The following LINGO2 variants were observed in gnomAD, a reference collection of about 807,000 sequenced individuals.
LINGO2 encodes leucine-rich repeat and immunoglobulin-like domain-containing nogo receptor-interacting protein 2.
LINGO2 carries 14 observed loss-of-function variants against 30.6 expected under a neutral mutation model. That is an observed-to-expected ratio of 0.46 (90% CI 0.30 to 0.72). The LOEUF is 0.72. Among genes scored for constraint, LINGO2 ranks in the 30% least tolerant of loss-of-function variants. The pLI is 0.07. For synonymous variants in LINGO2, 317 were observed against 288.5 expected (o/e 1.10, Z -1.00); for missense variants, 729 against 751.7 (o/e 0.97, Z 0.35).
At chr9:28,144,551 T>C (rs185971109) in intron 4 of LINGO2, among the ~76,000 whole-genome samples, 2 of 152,366 alleles carry the variant, frequency 1.3e-5, no homozygotes, top group East Asian at 3.9e-4. Flanking sequence ...AAGCTTTTTC[T>C]GACTTAATTT....
intron 4 of LINGO2, among the ~76,000 whole-genome samples, chr9:28,133,296 A>G (rs556168806): frequency 8.5e-5 from 13 of 152,316 alleles, no homozygotes; most frequent in African/African-American, 2.6e-4. Flanking sequence ...TTATTTACAT[A>G]TTAAAAGTTT....
chr9:28,692,008 C>T, the LINGO2 span, among the ~76,000 whole-genome samples: 1 of 152,126 alleles, frequency 6.6e-6, no homozygotes, highest in African/African-American at 2.4e-5. Flanking sequence ...CCCTCATTAT[C>T]TCCAATGCTT....
intron 4 of LINGO2, among the ~76,000 whole-genome samples, chr9:28,212,747 C>A (rs757683839): frequency 6.6e-6 from 1 of 151,334 alleles, no homozygotes; most frequent in Non-Finnish European, 1.5e-5. Context: ...ACACTAGCCA[C>A]ATTTCAAGTA....
At chr9:27,939,324 T>G in the LINGO2 span, 1 of 152,256 alleles carries the variant, frequency 6.6e-6, no homozygotes, top group Non-Finnish European at 1.5e-5. Flanking sequence ...GAACCCATTC[T>G]TTTTCCTCCA....
chr9:27,981,418 A>G (rs775975264), intron 5 of LINGO2, among the ~76,000 whole-genome samples: 1 of 151,238 alleles, frequency 6.6e-6, no homozygotes, highest in Non-Finnish European at 1.5e-5. Context: ...CTTTGACACT[A>G]AAGTTCGTAT....
the LINGO2 span, among the ~76,000 whole-genome samples, chr9:28,939,422 G>A: frequency 6.6e-6 from 1 of 152,002 alleles, no homozygotes; most frequent in East Asian, 1.9e-4. Context: ...ATACCCTTCA[G>A]CTGCCTCATT....
chr9:28,443,952 A>G (rs1824303529), intron 2 of LINGO2, among the ~76,000 whole-genome samples: 1 of 152,100 alleles, frequency 6.6e-6, no homozygotes, highest in Admixed American at 6.5e-5. Flanking sequence ...TGCTTTTCCC[A>G]GTCCCACCCA....
chr9:28,354,257 A>T (rs1587526236), intron 3 of LINGO2, among the ~76,000 whole-genome samples: 10 of 152,216 alleles, frequency 6.6e-5, no homozygotes, highest in Admixed American at 6.5e-4. Context: ...TCATACCAGT[A>T]GGTTTGGGAA....
At chr9:28,633,941 C>A (rs947240982) in intron 1 of LINGO2, among the ~76,000 whole-genome samples, 12 of 152,114 alleles carry the variant, frequency 7.9e-5, no homozygotes, top group African/African-American at 2.9e-4. Context: ...TATTTTAAGC[C>A]GCTATTACTC....
intron 1 of LINGO2, among the ~76,000 whole-genome samples, chr9:28,498,358 C>G (rs111969816): frequency 6.6e-6 from 1 of 152,174 alleles, no homozygotes; most frequent in Non-Finnish European, 1.5e-5. Flanking sequence ...TTAGCAATGG[C>G]GGGCGCCCCT....
At chr9:28,917,850 C>T in the LINGO2 span, among the ~76,000 whole-genome samples, 288 of 151,962 alleles carry the variant, frequency 1.9e-3, 1 homozygote, top group African/African-American at 6.6e-3. Context: ...ATGTATTCTT[C>T]TAGGTTGAAA....
chr9:28,438,649 C>T (rs1419892148), intron 2 of LINGO2, among the ~76,000 whole-genome samples: 1 of 151,928 alleles, frequency 6.6e-6, no homozygotes, highest in Non-Finnish European at 1.5e-5. Context: ...TGTTCTATTT[C>T]TCTGGAGAAC....
the LINGO2 span, among the ~76,000 whole-genome samples, chr9:28,739,590 G>A: frequency 6.6e-6 from 1 of 151,762 alleles, no homozygotes; most frequent in African/African-American, 2.4e-5. Flanking sequence ...TCAGTTATGA[G>A]GACCCTACTA....
chr9:28,486,718 A>AG (rs2135247370), intron 1 of LINGO2, among the ~76,000 whole-genome samples: 1 of 151,966 alleles, frequency 6.6e-6, no homozygotes, highest in East Asian at 1.9e-4. Flanking sequence ...AATGTAAAAA[A>AG]AATCTTGGGT....
chr9:28,347,582 T>TAA (rs1554709015), intron 3 of LINGO2, among the ~76,000 whole-genome samples: 2 of 152,192 alleles, frequency 1.3e-5, no homozygotes, highest in Non-Finnish European at 2.9e-5. Context: ...TCATTGAAGA[T>TAA]AAGGTCCCTT....
intron 2 of LINGO2, among the ~76,000 whole-genome samples, chr9:28,448,547 A>G (rs75353954): frequency 0.16 from 24,196 of 152,132 alleles, 2,508 homozygotes; most frequent in Non-Finnish European, 0.22. Flanking sequence ...GGGAGGGACA[A>G]CAAGTTCTTG....
chr9:28,121,705 A>G (rs551520882), intron 4 of LINGO2, among the ~76,000 whole-genome samples: 6 of 152,348 alleles, frequency 3.9e-5, no homozygotes, highest in South Asian at 2.1e-4. Context: ...TTTATGAACT[A>G]TAACTTTGGA....
the LINGO2 span, among the ~76,000 whole-genome samples, chr9:29,071,135 A>G: frequency 1.4e-5 from 2 of 147,638 alleles, no homozygotes; most frequent in South Asian, 2.1e-4. Flanking sequence ...ATGCACATCT[A>G]CAATTGCATC....
chr9:29,059,392 T>C, the LINGO2 span, among the ~76,000 whole-genome samples: 2 of 148,276 alleles, frequency 1.3e-5, no homozygotes, highest in African/African-American at 4.9e-5. Context: ...ATACCTACTA[T>C]GTACCCACAA....
Sources: gnomAD v4.1 joint callset for allele counts (sites outside exome capture counted in the v4.1 genomes callset) on GRCh38, gnomAD v4.1.1 for gene constraint, MANE v1.5 for transcripts, NCBI Gene and HGNC (gene_info 2026-07-23, HGNC 2026-07-21) for gene names.